PPM1L: variants seen among roughly 807,000 people sequenced by gnomAD.
PPM1L encodes protein phosphatase, Mg2+/Mn2+ dependent 1L, also known as protein phosphatase 1L.
A neutral mutation model predicts 31.4 loss-of-function variants in PPM1L; 13 were observed. The observed-to-expected ratio is 0.41, with a 90% confidence interval of 0.27 to 0.66. The LOEUF is 0.66. Ranked by LOEUF, PPM1L falls within the 30% of genes least tolerant of loss-of-function variation. The probability of loss-of-function intolerance (pLI) is 0.29; values close to 1 mark genes in which losing one functional copy is unlikely to be tolerated. For synonymous variants in PPM1L, 184 were observed against 175.4 expected, an observed-to-expected ratio of 1.05 and a Z score of -0.39; for missense variants, 326 against 453.7, an observed-to-expected ratio of 0.72 and a Z score of 2.56.
At chr3:160,922,556 A>G (rs1714452104) in intron 1 of PPM1L, among the ~76,000 whole-genome samples, 1 of 152,206 alleles carries the variant, frequency 6.6e-6, no homozygotes, top group Non-Finnish European at 1.5e-5. Flanking sequence ...CAAATGATTC[A>G]TCTAAGTCTA....
chr3:161,061,769 C>T (rs1432103477), intron 2 of PPM1L, among the ~76,000 whole-genome samples: 1 of 152,152 alleles, frequency 6.6e-6, no homozygotes, highest in Non-Finnish European at 1.5e-5. Flanking sequence ...GGTCTAGAAC[C>T]AATCACCAGC....
intron 2 of PPM1L, among the ~76,000 whole-genome samples, chr3:160,990,938 A>G (rs1372577972): frequency 6.6e-6 from 1 of 152,134 alleles, no homozygotes; most frequent in African/African-American, 2.4e-5. Context: ...AAATGCCCCC[A>G]CAAATACCCA....
chr3:160,943,769 C>T (rs1287828974), intron 1 of PPM1L, among the ~76,000 whole-genome samples: 1 of 152,066 alleles, frequency 6.6e-6, no homozygotes, highest in Non-Finnish European at 1.5e-5. Flanking sequence ...TATTTAATTG[C>T]CTGAATGTGG....
rs1420220011 is a variant in PPM1L at position 160,961,739 on chromosome 3, G to A, written c.403G>A (p.Ala135Thr). ...TCTCTGACTGTTTTATCTGCAGACT[G>A]CAGCTGAATATGTAAAATCTCGACT... ...GIFDGHGGET[A>T]AEYVKSRLPE... Residue 135 changes from alanine to threonine, a missense_variant, in exon 2 of 4, where the codon GCA (alanine) becomes ACA (threonine). This residue lies in a region of PPM1L where 201 missense variants were observed against 298.2 expected (regional missense o/e 0.67). Transcript: ENST00000498165. 2 of 1,577,482 alleles carry A rather than the reference G, an allele frequency of 1.3e-6. No individual in the cohort carries two copies. Among genetic ancestry groups the A allele is most frequent in the Non-Finnish European group, 1.7e-6 (2 of 1,167,430 alleles).
At chr3:161,025,691 G>T (rs1236820125) in intron 2 of PPM1L, among the ~76,000 whole-genome samples, 3 of 151,992 alleles carry the variant, frequency 2.0e-5, no homozygotes, top group Non-Finnish European at 4.4e-5. Flanking sequence ...CCTTGATCTT[G>T]GATTTCCCAG....
chr3:161,051,711 T>A (rs1719285661), intron 2 of PPM1L, among the ~76,000 whole-genome samples: 1 of 152,210 alleles, frequency 6.6e-6, no homozygotes, highest in African/African-American at 2.4e-5. Flanking sequence ...GGGTTATTTA[T>A]CCTACATGTA....
chr3:160,939,095 A>G (rs1715073561), intron 1 of PPM1L, among the ~76,000 whole-genome samples: 2 of 152,212 alleles, frequency 1.3e-5, no homozygotes. Context: ...CACTTAGCGT[A>G]GTGTTCAACA....
At chr3:160,928,335 A>T (rs989018939) in intron 1 of PPM1L, among the ~76,000 whole-genome samples, 1 of 152,194 alleles carries the variant, frequency 6.6e-6, no homozygotes, top group East Asian at 1.9e-4. Flanking sequence ...ACCACAGGGC[A>T]TATGGCCTGG....
chr3:160,913,901 A>G (rs1714063556), intron 1 of PPM1L, among the ~76,000 whole-genome samples: 1 of 152,172 alleles, frequency 6.6e-6, no homozygotes, highest in Non-Finnish European at 1.5e-5. Context: ...GTACTCAAAT[A>G]TGTACATCTG....
In PPM1L at chr3:160,796,699, T is replaced by C. The variant is rs114728880; in HGVS notation, c.399+39992T>C. Among the ~76,000 whole-genome samples the C allele has an allele frequency of 2.7e-3, 407 of 152,352 alleles. 2 individuals carry two copies. Among genetic ancestry groups the C allele is most frequent in the African/African-American group, 8.9e-3 (369 of 41,592 alleles). Reference sequence around the variant, plus strand: ...CTGCATTTAAATTTGATTCTCCCCTTTACTAGCTTTCTCCTGGCTTCTCTG... The same window carrying C: ...CTGCATTTAAATTTGATTCTCCCCTCTACTAGCTTTCTCCTGGCTTCTCTG... On this transcript the variant is annotated intron_variant, in intron 1 of 3. Transcript: ENST00000498165.
At chr3:160,944,742 TATATA>T (rs1715271382) in intron 1 of PPM1L, among the ~76,000 whole-genome samples, 2 of 97,398 alleles carry the variant, frequency 2.1e-5, no homozygotes, top group Non-Finnish European at 4.8e-5. Flanking sequence ...TGTTATATAT[TATATA>T]ATATATATGT....
intron 1 of PPM1L, among the ~76,000 whole-genome samples, chr3:160,952,476 G>C (rs1715604398): frequency 6.6e-6 from 1 of 152,142 alleles, no homozygotes; most frequent in South Asian, 2.1e-4. Context: ...CCTGTATCTT[G>C]TGAATACCTT....
chr3:160,980,103 G>C (rs1253819311), intron 2 of PPM1L, among the ~76,000 whole-genome samples: 4 of 152,054 alleles, frequency 2.6e-5, no homozygotes, highest in Non-Finnish European at 4.4e-5. Flanking sequence ...CTGAAAGAGA[G>C]CAGGATTCAT....
At chr3:160,761,971 T>G (rs113928785) in intron 1 of PPM1L, among the ~76,000 whole-genome samples, 2,515 of 152,290 alleles carry the variant, frequency 0.017, 63 homozygotes, top group African/African-American at 0.057. Context: ...CCCACAATAT[T>G]TGTGAATTCA....
chr3:160,988,189 A>G (rs894484632), intron 2 of PPM1L, among the ~76,000 whole-genome samples: 11 of 152,202 alleles, frequency 7.2e-5, no homozygotes, highest in Admixed American at 6.5e-4. Context: ...AACTTGTAGA[A>G]ACACTTGGAC....
intron 2 of PPM1L, among the ~76,000 whole-genome samples, chr3:160,987,054 T>C (rs1716986028): frequency 6.6e-6 from 1 of 152,198 alleles, no homozygotes. Context: ...ACCTGAGCTG[T>C]AATGGAGTGA....
chr3:161,001,155 A>C (rs1717466375), intron 2 of PPM1L, among the ~76,000 whole-genome samples: 2 of 152,238 alleles, frequency 1.3e-5, no homozygotes, highest in East Asian at 3.8e-4. Flanking sequence ...TCTAGAAATC[A>C]CAAACTATTT....
intron 1 of PPM1L, among the ~76,000 whole-genome samples, chr3:160,867,327 CTTT>C (rs529507709): frequency 1.1e-4 from 14 of 123,932 alleles, no homozygotes; most frequent in Admixed American, 2.4e-4. Flanking sequence ...GTTCCATGTT[CTTT>C]TTTTTTTTTT....
chr3:160,863,726 C>T (rs1711984720), intron 1 of PPM1L, among the ~76,000 whole-genome samples: 1 of 152,142 alleles, frequency 6.6e-6, no homozygotes, highest in Non-Finnish European at 1.5e-5. Flanking sequence ...GTTCCTTGGT[C>T]ACACAAATAG....
Sources: allele counts gnomAD v4.1 joint callset (sites outside exome capture counted in the v4.1 genomes callset), GRCh38; gene constraint gnomAD v4.1.1; regional missense constraint gnomAD v4.1.1; transcripts MANE v1.5; gene names NCBI Gene and HGNC (gene_info 2026-07-23, HGNC 2026-07-21).